Variants in MEG3 observed in about 807,000 individuals in gnomAD.
MEG3 encodes maternally expressed 3, also known as Very putative protein from MEG3 locus.
upstream of MEG3, chr14:100,852,554 T>A: frequency 2.4e-6 from 1 of 408,260 alleles, no homozygotes. Flanking sequence ...GGTGCACTTA[T>A]TATCCCTGGG....
intron 2 of MEG3, chr14:100,836,383 A>T: frequency 1.1e-5 from 5 of 436,374 alleles, no homozygotes; most frequent in South Asian, 8.3e-5. Flanking sequence ...GAGTGTCAAC[A>T]TTTAATTTGG....
chr14:100,835,078 A>C, exon 1 of MEG3: 1 of 343,000 alleles, frequency 2.9e-6, no homozygotes. Context: ...GGAGCAGTGG[A>C]CTGTGGCTCC....
At chr14:100,836,256 C>T (rs1328678968) in exon 2 of MEG3, 1 of 456,548 alleles carries the variant, frequency 2.2e-6, no homozygotes, top group Non-Finnish European at 4.4e-6. Context: ...ATCCCGGACC[C>T]AAGTCTTCTT....
At chr14:100,827,474 A>C (rs1219504525) in intron 1 of MEG3, 1 of 152,206 alleles carries the variant, frequency 6.6e-6, no homozygotes, top group East Asian at 1.9e-4. Flanking sequence ...GTGGCCGCAG[A>C]GGCCGGGGTC....
rs11307044 is a variant in MEG3, at chr14:100,843,833, GTTTTTTTTTTT to G, written n.3046-1611_3046-1601del. Among the ~76,000 whole-genome samples, 7 of 70,750 alleles carry G rather than the reference GTTTTTTTTTTT, an allele frequency of 9.9e-5. No homozygotes were observed. The South Asian group carries it at 4.2e-3, about 42-fold the overall frequency. 46.4% of individuals were successfully genotyped at this position (70,750 alleles called of 152,430 possible). A position where few individuals can be genotyped will look rare whatever the true frequency, so the allele number is the denominator to read the frequency against. On this transcript the variant is annotated intron_variant and non_coding_transcript_variant, in intron 2 of 3. Transcript: ENST00000398461. ...TGGAGTCAGGTGTCTCCCGGGACCT[GTTTTTTTTTTT>G]TTTTTTTTTTTTTGAGACAGAGTCT...
At chr14:100,849,855 C>T (rs1453966496) in intron 3 of MEG3, 1 of 152,136 alleles carries the variant, frequency 6.6e-6, no homozygotes, top group East Asian at 1.9e-4. Context: ...GGGAGGTTGT[C>T]TGAACAGGGA....
At chr14:100,836,515 G>A (rs971293389) in intron 2 of MEG3, among the ~76,000 whole-genome samples, 5 of 152,116 alleles carry the variant, frequency 3.3e-5, no homozygotes, top group Admixed American at 3.3e-4. Context: ...GGTCCACCCT[G>A]GCTGATGGCA....
At chr14:100,843,946 TCTCCTGTCTCAGC>T in intron 2 of MEG3, among the ~76,000 whole-genome samples, 1 of 150,798 alleles carries the variant, frequency 6.6e-6, no homozygotes, top group East Asian at 2.0e-4. Flanking sequence ...TTCAAGCGAT[TCTCCTGTCTCAGC>T]CTCCCGAGTA....
chr14:100,849,225 A>G (rs2038000360), intron 3 of MEG3: 1 of 152,234 alleles, frequency 6.6e-6, no homozygotes, highest in Non-Finnish European at 1.5e-5. Context: ...TGACTAATTC[A>G]AAACTGGGTT....
chr14:100,844,578 C>T (rs941168995), intron 2 of MEG3, among the ~76,000 whole-genome samples: 9 of 152,172 alleles, frequency 5.9e-5, no homozygotes, highest in African/African-American at 2.2e-4. Flanking sequence ...CACGTTGCCT[C>T]CGTGTGGTGT....
At chr14:100,833,099 C>T (rs1334996441), downstream of MEG3, 3 of 152,344 alleles carry the variant, frequency 2.0e-5, no homozygotes, top group African/African-American at 7.2e-5. Context: ...GAAGTGAATG[C>T]ATGTTGGCAT....
chr14:100,830,344 A>AACACACACACACACAC (rs142049070), downstream of MEG3: 8 of 30,238 alleles, frequency 2.6e-4, no homozygotes, highest in African/African-American at 8.4e-4. Context: ...TGGAGATTAA[A>AACACACACACACACAC]ACACACACAC....
At chr14:100,843,272 C>G (rs59956470) in intron 2 of MEG3, among the ~76,000 whole-genome samples, 5,169 of 152,292 alleles carry the variant, frequency 0.034, 270 homozygotes, top group African/African-American at 0.12. Context: ...AAACAAAGCA[C>G]CCGCCTCTGA....
chr14:100,828,185 G>A (rs1211347556), intron 1 of MEG3, among the ~76,000 whole-genome samples: 6 of 152,022 alleles, frequency 3.9e-5, no homozygotes, highest in Non-Finnish European at 7.4e-5. Flanking sequence ...GCGGGCCGGG[G>A]CGCCGCAGGT....
At chr14:100,860,154 G>A (rs555648541) in exon 1 of MEG3, 1 of 171,300 alleles carries the variant, frequency 5.8e-6, no homozygotes, top group East Asian at 1.8e-4. Context: ...CAGAGTGGAG[G>A]GCAAGGGGGA....
exon 1 of MEG3, chr14:100,859,346 A>C (rs1013528045): frequency 6.6e-6 from 1 of 152,180 alleles, no homozygotes; most frequent in African/African-American, 2.4e-5. Flanking sequence ...GTTTCCCCCC[A>C]GTGGAAACAC....
At chr14:100,841,176 CAA>C (rs993818191) in intron 2 of MEG3, among the ~76,000 whole-genome samples, 2 of 152,220 alleles carry the variant, frequency 1.3e-5, no homozygotes, top group African/African-American at 4.8e-5. Flanking sequence ...GCACCAGGGA[CAA>C]AGTCCCTGCC....
upstream of MEG3, chr14:100,854,396 C>T (rs1330327747): frequency 1.3e-5 from 2 of 152,144 alleles, no homozygotes; most frequent in Admixed American, 6.6e-5. Flanking sequence ...TCACTGGAGG[C>T]ATTCAAGGAA....
intron 3 of MEG3, chr14:100,847,730 C>T (rs1331226212): frequency 6.6e-6 from 1 of 152,152 alleles, no homozygotes; most frequent in Admixed American, 6.5e-5. Flanking sequence ...CCCCCCTGGG[C>T]ACCCCAGCTG....
Sources: allele counts gnomAD v4.1 joint callset (sites outside exome capture counted in the v4.1 genomes callset), GRCh38; gene constraint gnomAD v4.1.1; transcripts MANE v1.5; gene names NCBI Gene and HGNC (gene_info 2026-07-23, HGNC 2026-07-21).